The following IRAG1 variants were observed in gnomAD, a reference collection of about 807,000 sequenced individuals.
The protein encoded by IRAG1 is IP3R-associated cGMP kinase substrate.
Under a neutral mutation model 106.2 loss-of-function variants are expected in IRAG1, and 62 were observed. That is an observed-to-expected ratio of 0.58 (90% CI 0.48 to 0.72). The LOEUF (loss-of-function observed/expected upper bound fraction) is 0.72, where lower values mean the gene tolerates loss of function less well. Among genes scored for constraint, IRAG1 ranks in the 30% least tolerant of loss-of-function variants. IRAG1 has a pLI of 0.00. For synonymous variants in IRAG1, 462 were observed against 443.9 expected (o/e 1.04, Z -0.51); for missense variants, 1,064 against 1,140.7 (o/e 0.93, Z 0.97).
At chr11:10,612,298 C>A (rs1855032480) in intron 10 of IRAG1, among the ~76,000 whole-genome samples, 1 of 152,186 alleles carries the variant, frequency 6.6e-6, no homozygotes, top group South Asian at 2.1e-4. Flanking sequence ...CACTACTAAC[C>A]ACCTCCAAAG....
intron 3 of IRAG1, among the ~76,000 whole-genome samples, chr11:10,633,590 T>A (rs1225321144): frequency 6.6e-6 from 1 of 152,088 alleles, no homozygotes; most frequent in Non-Finnish European, 1.5e-5. Context: ...AGCTGGACAG[T>A]TATTATGGGA....
At chr11:10,604,783 C>T (rs543052603) in intron 12 of IRAG1, among the ~76,000 whole-genome samples, 22 of 152,126 alleles carry the variant, frequency 1.4e-4, no homozygotes, top group Non-Finnish European at 2.9e-4. Flanking sequence ...ATGTATTCTA[C>T]CAAAAAATAA....
Position 10,623,961 on chromosome 11 carries a change from G to C in IRAG1, c.1369-105C>G, listed in dbSNP as rs995638627. On this transcript the variant is annotated intron_variant, in intron 9 of 20. Coordinates refer to ENST00000423302, the MANE Select transcript of IRAG1 (RefSeq NM_130385.4). ...TGCGACCACTATCTTAGGTGGGAAA[G>C]CGGGGCAGCCTGAGAGGTGGGTGGG... The C allele has an allele frequency of 2.0e-5, 21 of 1,066,826 alleles. No homozygotes were observed. The Admixed American group carries it at 2.1e-4, about 11-fold the overall frequency. 66.1% of individuals were successfully genotyped at this position (1,066,826 alleles called of 1,614,324 possible). A position where few individuals can be genotyped will look rare whatever the true frequency, so the allele number is the denominator to read the frequency against.
intron 2 of IRAG1, among the ~76,000 whole-genome samples, chr11:10,642,098 TG>T (rs1857557529): frequency 6.6e-6 from 1 of 152,188 alleles, no homozygotes; most frequent in Admixed American, 6.5e-5. Context: ...AAGGACAGCA[TG>T]GGCAGAGGAT....
At chr11:10,685,487 G>C (rs1476868770) in intron 1 of IRAG1, among the ~76,000 whole-genome samples, 1 of 151,448 alleles carries the variant, frequency 6.6e-6, no homozygotes, top group Non-Finnish European at 1.5e-5. Flanking sequence ...GCTGAGGCAA[G>C]AGTATCACTT....
In IRAG1 at chr11:10,609,861, AAG is replaced by A. The variant is rs1289505383; in HGVS notation, c.1448-12_1448-11del. The A allele has an allele frequency of 1.9e-6, 3 of 1,613,282 alleles. No individual in the cohort carries two copies. The highest frequency in any genetic ancestry group is 1.7e-5 in the Admixed American group (1 of 59,874). ...AGTTCAGAAGGAAGCCCTGAAAAAA[AAG>A]TGCTTACTTATAAAATGTCTCTTTG... is the stretch of plus-strand genomic sequence containing the variant. On this transcript the variant is annotated splice_polypyrimidine_tract_variant and intron_variant, in intron 10 of 20. Transcript: ENST00000423302.
intron 10 of IRAG1, among the ~76,000 whole-genome samples, chr11:10,617,425 G>A (rs4910163): frequency 0.055 from 8,326 of 152,230 alleles, 334 homozygotes; most frequent in Admixed American, 0.12. Flanking sequence ...AACTTGAAGT[G>A]AAGTGAAACT....
intron 2 of IRAG1, among the ~76,000 whole-genome samples, chr11:10,637,182 A>G (rs900549611): frequency 3.3e-5 from 5 of 152,214 alleles, no homozygotes; most frequent in Middle Eastern, 3.2e-3. Flanking sequence ...AGTTATTAGA[A>G]CATCTATCAT....
intron 15 of IRAG1, among the ~76,000 whole-genome samples, chr11:10,596,590 C>G (rs1011318587): frequency 2.0e-5 from 3 of 152,178 alleles, no homozygotes; most frequent in Admixed American, 6.5e-5. Context: ...TATTTTCTCT[C>G]CTTGGTTTTC....
intron 1 of IRAG1, among the ~76,000 whole-genome samples, chr11:10,664,962 T>G (rs1859677028): frequency 6.6e-6 from 1 of 152,216 alleles, no homozygotes; most frequent in African/African-American, 2.4e-5. Context: ...TTTTCTGTTT[T>G]GAGAACCAAT....
At chr11:10,648,863 C>G (rs1230788000) in intron 2 of IRAG1, among the ~76,000 whole-genome samples, 2 of 152,140 alleles carry the variant, frequency 1.3e-5, no homozygotes, top group South Asian at 2.1e-4. Flanking sequence ...TCTAGTCCTA[C>G]AGATTTTGTG....
intron 18 of IRAG1, among the ~76,000 whole-genome samples, chr11:10,586,414 T>C (rs1423386392): frequency 1.3e-5 from 2 of 148,164 alleles, no homozygotes; most frequent in African/African-American, 5.0e-5. Context: ...AGTTGATCTC[T>C]CCTTTTTTTT....
chr11:10,598,138 G>T (rs1430334659), intron 15 of IRAG1, among the ~76,000 whole-genome samples: 2 of 152,196 alleles, frequency 1.3e-5, no homozygotes, highest in Non-Finnish European at 2.9e-5. Flanking sequence ...GTGGGAATCT[G>T]TGTCAACTCT....
At chr11:10,598,265 GT>G (rs2134275526) in intron 15 of IRAG1, among the ~76,000 whole-genome samples, 1 of 152,310 alleles carries the variant, frequency 6.6e-6, no homozygotes, top group Non-Finnish European at 1.5e-5. Context: ...CTTGGTTTCA[GT>G]TCTCTTTTCT....
At chr11:10,652,478 A>G in intron 1 of IRAG1, 2 of 599,256 alleles carry the variant, frequency 3.3e-6, no homozygotes, top group Non-Finnish European at 5.3e-6. Flanking sequence ...AGCTAATGGA[A>G]GATACTCCAT....
intron 8 of IRAG1, among the ~76,000 whole-genome samples, chr11:10,627,326 T>C (rs1591633130): frequency 6.6e-6 from 1 of 152,070 alleles, no homozygotes; most frequent in East Asian, 1.9e-4. Flanking sequence ...CTGTTGCTCA[T>C]CAACAAAGAT....
rs192312817 is a variant in IRAG1, at chr11:10,687,011, A to G, written c.67+6525T>C. ...AAAAGGAAAATTCATCGCCGCAGAA[A>G]CTTCTAGTCAGATGCTTGCCTTGTC... On this transcript the variant is annotated intron_variant, in intron 1 of 20. Coordinates refer to ENST00000423302, the MANE Select transcript of IRAG1 (RefSeq NM_130385.4). 3.7e-3 allele frequency among the ~76,000 whole-genome samples: 568 copies of G among 152,360 alleles called. 4 individuals are homozygous for G. Among genetic ancestry groups the G allele is most frequent in the African/African-American group, 0.013 (539 of 41,586 alleles).
At chr11:10,617,268 A>G in intron 10 of IRAG1, 3 of 841,288 alleles carry the variant, frequency 3.6e-6, no homozygotes, top group Non-Finnish European at 4.3e-6. Context: ...TATGCAGTAG[A>G]TACACTTTGT....
intron 20 of IRAG1, among the ~76,000 whole-genome samples, chr11:10,579,712 T>G (rs1047838410): frequency 1.3e-5 from 2 of 152,158 alleles, no homozygotes; most frequent in African/African-American, 4.8e-5. Context: ...CTCATTCCTA[T>G]AATACTTCAT....
Sources: allele counts gnomAD v4.1 joint callset (sites outside exome capture counted in the v4.1 genomes callset), GRCh38; gene constraint gnomAD v4.1.1; transcripts MANE v1.5; gene names NCBI Gene and HGNC (gene_info 2026-07-23, HGNC 2026-07-21).